USH2A: variants seen among roughly 807,000 people sequenced by gnomAD.
USH2A encodes the protein usherin.
In USH2A, 443 loss-of-function variants were observed where a neutral mutation model predicts 538.9. The observed-to-expected ratio is 0.82, with a 90% CI of 0.76 to 0.89. The LOEUF (loss-of-function observed/expected upper bound fraction) is 0.89. Ranked by LOEUF, USH2A falls within the 40% of genes least tolerant of loss-of-function variation. USH2A has a pLI of 0.00. For missense variants in USH2A, 6,633 were observed against 6,324.8 expected (o/e 1.05, Z -1.65); for synonymous variants, 2,413 against 2,273.5 (o/e 1.06, Z -1.75).
chr1:215,681,318 AACACACACAC>A (rs1235797414), intron 61 of USH2A, among the ~76,000 whole-genome samples: 1 of 117,594 alleles, frequency 8.5e-6, no homozygotes, highest in Non-Finnish European at 1.8e-5. Flanking sequence ...TTCATAGGTA[AACACACACAC>A]ACGAACACAC....
At chr1:215,966,437 T>G (rs892468304) in intron 36 of USH2A, among the ~76,000 whole-genome samples, 1 of 152,194 alleles carries the variant, frequency 6.6e-6, no homozygotes, top group African/African-American at 2.4e-5. Context: ...AGGTACAAGC[T>G]CTTGCCTCCC....
At chr1:215,967,932 A>G (rs1036852810) in intron 36 of USH2A, among the ~76,000 whole-genome samples, 3 of 152,148 alleles carry the variant, frequency 2.0e-5, no homozygotes, top group Admixed American at 6.5e-5. Flanking sequence ...AATGAATGTT[A>G]CAATACAAGA....
intron 43 of USH2A, among the ~76,000 whole-genome samples, chr1:215,877,492 G>A (rs547527747): frequency 1.3e-5 from 2 of 152,166 alleles, no homozygotes; most frequent in South Asian, 4.2e-4. Flanking sequence ...TGTCTAGATG[G>A]AGCCGTGACA....
chr1:216,138,606 AC>A (rs1200554603), intron 21 of USH2A, among the ~76,000 whole-genome samples: 2 of 151,966 alleles, frequency 1.3e-5, no homozygotes, highest in Non-Finnish European at 2.9e-5. Context: ...CTTTTTATTG[AC>A]CTTTTTATTG....
At chr1:215,722,809 TA>T (rs1449594647) in intron 61 of USH2A, among the ~76,000 whole-genome samples, 3 of 152,228 alleles carry the variant, frequency 2.0e-5, no homozygotes, top group African/African-American at 7.2e-5. Context: ...TGACGTTTTA[TA>T]ACCCCGTGGA....
At chr1:215,653,579 T>C (rs577272270) in intron 64 of USH2A, among the ~76,000 whole-genome samples, 1 of 152,330 alleles carries the variant, frequency 6.6e-6, no homozygotes, top group East Asian at 1.9e-4. Flanking sequence ...AAAACTTGTA[T>C]GATGAGGCAG....
chr1:215,701,495 G>A (rs971117243), intron 61 of USH2A, among the ~76,000 whole-genome samples: 1 of 152,060 alleles, frequency 6.6e-6, no homozygotes, highest in Admixed American at 6.6e-5. Flanking sequence ...TATGAATCTG[G>A]GTGCTCCTGT....
chr1:216,389,073 T>C (rs891961652), intron 3 of USH2A, among the ~76,000 whole-genome samples: 5 of 152,136 alleles, frequency 3.3e-5, no homozygotes, highest in Admixed American at 3.3e-4. Flanking sequence ...GAAGAGCTAG[T>C]GTAAGTGAAA....
intron 38 of USH2A, among the ~76,000 whole-genome samples, chr1:215,908,784 T>A (rs1665701815): frequency 6.6e-6 from 1 of 151,762 alleles, no homozygotes; most frequent in African/African-American, 2.4e-5. Context: ...CATTGATGGA[T>A]ACAGAATGAT....
intron 32 of USH2A, among the ~76,000 whole-genome samples, chr1:216,036,588 T>C (rs2029986218): frequency 6.6e-6 from 1 of 152,188 alleles, no homozygotes; most frequent in African/African-American, 2.4e-5. Context: ...CATTACATTG[T>C]TGGAAACTCA....
chr1:215,751,789 G>T (rs892234874), intron 58 of USH2A, among the ~76,000 whole-genome samples: 2 of 152,052 alleles, frequency 1.3e-5, no homozygotes, highest in African/African-American at 2.4e-5. Flanking sequence ...ATTACCTAAA[G>T]GTTCAAACAA....
chr1:215,633,329 T>G (rs1021083054), intron 70 of USH2A, among the ~76,000 whole-genome samples: 1 of 152,064 alleles, frequency 6.6e-6, no homozygotes, highest in Non-Finnish European at 1.5e-5. Flanking sequence ...AGTGCCTTCT[T>G]TGCTTCTCCA....
At chr1:215,844,950 C>G (rs937815860) in intron 45 of USH2A, among the ~76,000 whole-genome samples, 1 of 152,104 alleles carries the variant, frequency 6.6e-6, no homozygotes, top group Non-Finnish European at 1.5e-5. Flanking sequence ...TAGCTTGTAA[C>G]TCAAGCAATA....
chr1:215,753,387 A>G (rs562229259), intron 58 of USH2A, among the ~76,000 whole-genome samples: 1 of 152,306 alleles, frequency 6.6e-6, no homozygotes, highest in East Asian at 1.9e-4. Flanking sequence ...CACTATTCAC[A>G]ATAGCAAAGA....
At chr1:215,950,504 CT>C (rs11326101) in intron 37 of USH2A, among the ~76,000 whole-genome samples, 47,582 of 131,050 alleles carry the variant, frequency 0.36, 8,398 homozygotes, top group East Asian at 0.64. Context: ...TAATTGCTAC[CT>C]TTTTTTTTTT....
intron 9 of USH2A, among the ~76,000 whole-genome samples, chr1:216,316,533 G>A (rs920980065): frequency 6.6e-6 from 1 of 152,160 alleles, no homozygotes; most frequent in Non-Finnish European, 1.5e-5. Context: ...AAGCCCAAGA[G>A]TGATACTGTT....
At chr1:215,787,223 A>G (rs1403984715) in intron 51 of USH2A, among the ~76,000 whole-genome samples, 1 of 152,180 alleles carries the variant, frequency 6.6e-6, no homozygotes, top group Non-Finnish European at 1.5e-5. Context: ...ATTTACCACC[A>G]AGGTTTGTTG....
At chr1:215,633,799 TC>T (rs1656387661) in intron 70 of USH2A, among the ~76,000 whole-genome samples, 1 of 152,120 alleles carries the variant, frequency 6.6e-6, no homozygotes, top group South Asian at 2.1e-4. Flanking sequence ...TGGAATTAAA[TC>T]ACCTTTTACC....
intron 20 of USH2A, among the ~76,000 whole-genome samples, chr1:216,179,819 C>T (rs368790730): frequency 1.3e-5 from 2 of 152,062 alleles, no homozygotes; most frequent in African/African-American, 4.8e-5. Context: ...GGAAAAGGAA[C>T]TATAGGTAAA....
Sources: gnomAD v4.1 joint callset for allele counts (sites outside exome capture counted in the v4.1 genomes callset) on GRCh38, gnomAD v4.1.1 for gene constraint, MANE v1.5 for transcripts, NCBI Gene and HGNC (gene_info 2026-07-23, HGNC 2026-07-21) for gene names.